ARHGEF10: variants seen among roughly 807,000 people sequenced by gnomAD.
ARHGEF10 encodes Rho guanine nucleotide exchange factor (GEF) 10.
A neutral mutation model predicts 147.4 loss-of-function variants in ARHGEF10; 140 were observed. The ratio of observed to expected loss-of-function variants is 0.95; its 90% CI spans 0.83 to 1.09. The LOEUF (loss-of-function observed/expected upper bound fraction) is 1.09, where lower values mean the gene tolerates loss of function less well. Among genes scored for constraint, ARHGEF10 ranks in the 50% least tolerant of loss-of-function variants. The pLI is 0.00. For missense variants in ARHGEF10, 2,222 were observed against 1,752.7 expected, an observed-to-expected ratio of 1.27 and a Z score of -4.78; for synonymous variants, 902 against 695.8, an observed-to-expected ratio of 1.30 and a Z score of -4.67.
intron 23 of ARHGEF10, chr8:1,927,130 T>A (rs1447410557): frequency 1.3e-5 from 2 of 156,858 alleles, no homozygotes; most frequent in African/African-American, 4.8e-5. Context: ...TGTCAGAAAT[T>A]GAACAACCCA....
At chr8:1,840,864 T>G (rs1022918379) in intron 1 of ARHGEF10, among the ~76,000 whole-genome samples, 10 of 152,224 alleles carry the variant, frequency 6.6e-5, no homozygotes, top group African/African-American at 2.2e-4. Context: ...TCACGGGTGC[T>G]GCTGGGGTGG....
intron 8 of ARHGEF10, among the ~76,000 whole-genome samples, chr8:1,879,120 A>G (rs1279629921): frequency 1.3e-5 from 2 of 152,198 alleles, no homozygotes; most frequent in African/African-American, 4.8e-5. Context: ...AAAATCTCGA[A>G]TTTTGTTAAA....
intron 14 of ARHGEF10, among the ~76,000 whole-genome samples, chr8:1,898,167 A>T (rs1207214218): frequency 6.6e-6 from 1 of 152,150 alleles, no homozygotes; most frequent in Non-Finnish European, 1.5e-5. Context: ...AGCCCCTGGA[A>T]TCTGCCCAGT....
chr8:1,844,422 T>C, intron 2 of ARHGEF10, among the ~76,000 whole-genome samples: 1 of 151,922 alleles, frequency 6.6e-6, no homozygotes, highest in African/African-American at 2.4e-5. Context: ...AATCCAGGGG[T>C]CACCGGGGCC....
chr8:1,838,519 C>T (rs901225851), intron 1 of ARHGEF10, among the ~76,000 whole-genome samples: 5 of 152,390 alleles, frequency 3.3e-5, no homozygotes, highest in Admixed American at 6.5e-5. Flanking sequence ...GCTGTGTGCA[C>T]GCCGGAGGCA....
chr8:1,892,284 T>TGTGTGC (rs1809597955), intron 11 of ARHGEF10, among the ~76,000 whole-genome samples: 1 of 97,388 alleles, frequency 1.0e-5, no homozygotes, highest in African/African-American at 3.5e-5. Flanking sequence ...GCTCTGTGTG[T>TGTGTGC]GTGTGTGTGT....
At chr8:1,863,782 G>A (rs1171745083) in intron 4 of ARHGEF10, among the ~76,000 whole-genome samples, 1 of 152,090 alleles carries the variant, frequency 6.6e-6, no homozygotes, top group Non-Finnish European at 1.5e-5. Context: ...ACGGCTCACC[G>A]TTCACCCTGG....
At chr8:1,835,684 C>A in intron 1 of ARHGEF10, among the ~76,000 whole-genome samples, 1 of 152,326 alleles carries the variant, frequency 6.6e-6, no homozygotes, top group Non-Finnish European at 1.5e-5. Context: ...ACACGGTGAA[C>A]GGCACAGACA....
intron 1 of ARHGEF10, among the ~76,000 whole-genome samples, chr8:1,827,121 T>G (rs1181000724): frequency 6.6e-6 from 1 of 152,182 alleles, no homozygotes; most frequent in East Asian, 1.9e-4. Context: ...CAGGGTTACC[T>G]GTAAGGACAG....
intron 7 of ARHGEF10, among the ~76,000 whole-genome samples, chr8:1,873,629 G>A (rs1484156942): frequency 2.2e-5 from 3 of 134,658 alleles, no homozygotes; most frequent in Non-Finnish European, 4.8e-5. Flanking sequence ...TAGTGCACCC[G>A]CATTTCCTAG....
At position 1,872,450 on chromosome 8, in the gene ARHGEF10, C is replaced by T. The variant is rs748312001; in HGVS notation, c.679+3200C>T. 1.2e-4 allele frequency among the ~76,000 whole-genome samples: 18 copies of T among 152,246 alleles called. 1 individual carries two copies. The South Asian group carries it at 1.2e-3, about 11-fold the overall frequency. On this transcript the variant is annotated intron_variant, in intron 7 of 28. Coordinates refer to ENST00000349830, the MANE Select transcript of ARHGEF10 (RefSeq NM_014629.4). Reference sequence around the variant, plus strand: ...AGAAACTTGTAAACTCCCTCACCTGCGAAGGTTGATGCTACATTTCCTTCC... The same window carrying T: ...AGAAACTTGTAAACTCCCTCACCTGTGAAGGTTGATGCTACATTTCCTTCC...
chr8:1,947,257 C>T (rs1400132994), intron 27 of ARHGEF10, among the ~76,000 whole-genome samples: 2 of 152,184 alleles, frequency 1.3e-5, no homozygotes, highest in Non-Finnish European at 2.9e-5. Context: ...CCTCTCCACT[C>T]GACCTCCCGT....
chr8:1,856,188 C>G (rs973371240), intron 2 of ARHGEF10, among the ~76,000 whole-genome samples: 1 of 152,242 alleles, frequency 6.6e-6, no homozygotes, highest in East Asian at 1.9e-4. Flanking sequence ...CAGCAACACA[C>G]ACTCCTATCA....
At chr8:1,875,591 C>T (rs1190381036) in intron 7 of ARHGEF10, among the ~76,000 whole-genome samples, 3 of 152,218 alleles carry the variant, frequency 2.0e-5, no homozygotes, top group Non-Finnish European at 2.9e-5. Flanking sequence ...GCTCATTTCA[C>T]GCATTTTATG....
chr8:1,923,721 C>T, intron 20 of ARHGEF10, 53 bp from the exon 21 acceptor site: 2 of 1,613,310 alleles, frequency 1.2e-6, no homozygotes, highest in Non-Finnish European at 8.5e-7. Flanking sequence ...AATTTAACCT[C>T]ACAGGATGGA....
chr8:1,859,267 C>G (rs1805883469), intron 3 of ARHGEF10, among the ~76,000 whole-genome samples: 1 of 151,276 alleles, frequency 6.6e-6, no homozygotes, highest in Non-Finnish European at 1.5e-5. Flanking sequence ...TAGCACCTGC[C>G]TCTTGGTTGT....
At chr8:1,875,995 G>A (rs1426835672) in intron 7 of ARHGEF10, 1 of 159,530 alleles carries the variant, frequency 6.3e-6, no homozygotes, top group Non-Finnish European at 1.4e-5. Context: ...TCATATTCTG[G>A]GAGTTTGAAG....
chr8:1,882,825 G>T, intron 10 of ARHGEF10, 76 bp downstream of exon 10: 2 of 737,192 alleles, frequency 2.7e-6, no homozygotes, highest in East Asian at 4.9e-5. Context: ...GGAGGACTCG[G>T]GGTGGGGGGC....
intron 26 of ARHGEF10, among the ~76,000 whole-genome samples, chr8:1,934,883 A>G (rs1208331930): frequency 6.6e-6 from 1 of 152,200 alleles, no homozygotes; most frequent in Non-Finnish European, 1.5e-5. Flanking sequence ...TCAAATATTT[A>G]TGGAGGAAAA....
Sources: gnomAD v4.1 joint callset for allele counts (sites outside exome capture counted in the v4.1 genomes callset) on GRCh38, gnomAD v4.1.1 for gene constraint, MANE v1.5 for transcripts, NCBI Gene and HGNC (gene_info 2026-07-23, HGNC 2026-07-21) for gene names.